Variants in POLR3B observed in about 807,000 individuals in gnomAD.
POLR3B encodes the protein DNA-directed RNA polymerase III subunit RPC2.
In POLR3B, 96 loss-of-function variants were observed where a neutral mutation model predicts 147.4. The ratio of observed to expected loss-of-function variants is 0.65; its 90% confidence interval spans 0.55 to 0.77. The LOEUF (loss-of-function observed/expected upper bound fraction) is 0.77, where lower values mean the gene tolerates loss of function less well. POLR3B is among the 30% of genes least tolerant of loss of function. The pLI, the probability that POLR3B is intolerant of heterozygous loss-of-function variation, is 0.00. For synonymous variants in POLR3B, 461 were observed against 485.9 expected (o/e 0.95, Z 0.67); for missense variants, 1,036 against 1,413.5 (o/e 0.73, Z 4.28).
At chr12:106,369,762 A>G in intron 6 of POLR3B, 79 bp downstream of exon 6, 2 of 883,608 alleles carry the variant, frequency 2.3e-6, no homozygotes, top group Non-Finnish European at 3.8e-6. Flanking sequence ...TCATCTGAAA[A>G]ATGCAGGAAA....
intron 26 of POLR3B, among the ~76,000 whole-genome samples, chr12:106,502,584 G>A (rs1269277738): frequency 5.9e-5 from 9 of 152,088 alleles, no homozygotes; most frequent in Non-Finnish European, 1.3e-4. Flanking sequence ...TAGAGAAGGG[G>A]CAAGGATGAG....
At chr12:106,397,512 C>T (rs1032265347) in intron 10 of POLR3B, among the ~76,000 whole-genome samples, 15 of 152,242 alleles carry the variant, frequency 9.9e-5, no homozygotes, top group African/African-American at 3.1e-4. Flanking sequence ...AATTAGGCAT[C>T]ATAGTTTAGT....
chr12:106,391,210 C>A (rs1354227170), intron 9 of POLR3B, among the ~76,000 whole-genome samples: 3 of 152,186 alleles, frequency 2.0e-5, no homozygotes, highest in Non-Finnish European at 2.9e-5. Context: ...CATAGTTTCT[C>A]ACCACCGGAC....
Position 106,496,678 on chromosome 12 carries a change from A to G in POLR3B, c.2818-74A>G, listed in dbSNP as rs1422394936. 3.9e-6 allele frequency: 5 copies of G among 1,267,078 alleles called. No homozygotes were observed. In the East Asian group the frequency reaches 1.2e-4, roughly 29 times the overall value. 78.5% of individuals were successfully genotyped at this position (1,267,078 alleles called of 1,614,324 possible). On this transcript the variant is annotated intron_variant, in intron 24 of 27. Coordinates refer to ENST00000228347, the MANE Select transcript of POLR3B (RefSeq NM_018082.6). ...TATTAATAGTGGTCGTGGGGAAATG[A>G]GCTGGAGATAAATAAGCAGAGAGAG...
chr12:106,457,408 C>G, intron 21 of POLR3B, 112 bp downstream of exon 21: 1 of 827,238 alleles, frequency 1.2e-6, no homozygotes. Flanking sequence ...ACCTATAAAA[C>G]CACCATCCAA....
At chr12:106,489,690 G>T (rs892566984) in intron 23 of POLR3B, among the ~76,000 whole-genome samples, 1 of 152,172 alleles carries the variant, frequency 6.6e-6, no homozygotes, top group Admixed American at 6.5e-5. Flanking sequence ...ACCTTCATTT[G>T]TTAGTCCTTT....
intron 23 of POLR3B, among the ~76,000 whole-genome samples, chr12:106,479,976 C>T (rs1264161905): frequency 6.8e-6 from 1 of 146,718 alleles, no homozygotes; most frequent in Non-Finnish European, 1.5e-5. Flanking sequence ...CCATGCCTGG[C>T]TAATTTTTGT....
At chr12:106,459,507 C>T in intron 22 of POLR3B, 139 bp downstream of exon 22, 1 of 695,846 alleles carries the variant, frequency 1.4e-6, no homozygotes, top group Middle Eastern at 3.6e-4. Context: ...ATGGAAAAAG[C>T]ATGGCATAGA....
At chr12:106,497,001 T>A in intron 25 of POLR3B, 83 bp downstream of exon 25, 1 of 1,323,830 alleles carries the variant, frequency 7.6e-7, no homozygotes, top group South Asian at 1.2e-5. Context: ...TATACTCTAT[T>A]AAGTATACCT....
In POLR3B at chr12:106,435,690, G is replaced by A. The variant is rs1376902841; in HGVS notation, c.1782-1367G>A. On this transcript the variant is annotated intron_variant, in intron 16 of 27. Transcript: ENST00000228347. ...TGTCCTGAGAACTAGTTGATAGAAGGTGTGGTAAGTGCTCAGTAGGGTGCC... is the reference window on the plus strand; with the variant it reads ...TGTCCTGAGAACTAGTTGATAGAAGATGTGGTAAGTGCTCAGTAGGGTGCC... 3.3e-5 allele frequency among the ~76,000 whole-genome samples: 5 copies of A among 152,126 alleles called. No individual in the cohort carries two copies. The East Asian group carries it at 7.7e-4, about 23-fold the overall frequency.
At chr12:106,475,272 A>T (rs1250207429) in intron 23 of POLR3B, among the ~76,000 whole-genome samples, 1 of 116,622 alleles carries the variant, frequency 8.6e-6, no homozygotes, top group Non-Finnish European at 1.7e-5. Flanking sequence ...GGCTGAGGAG[A>T]GCTTTACTTC....
At chr12:106,446,363 G>C (rs2037722831) in intron 19 of POLR3B, 3 of 223,246 alleles carry the variant, frequency 1.3e-5, no homozygotes, top group Admixed American at 9.7e-5. Context: ...AAAAAATAAA[G>C]AATAGACTTG....
intron 11 of POLR3B, among the ~76,000 whole-genome samples, chr12:106,408,738 T>G (rs992779823): frequency 1.4e-4 from 22 of 152,214 alleles, no homozygotes; most frequent in African/African-American, 5.1e-4. Context: ...CAAAGGAGTA[T>G]CTGAACTACT....
chr12:106,424,006 G>A (rs986174412), intron 12 of POLR3B, among the ~76,000 whole-genome samples: 18 of 151,846 alleles, frequency 1.2e-4, no homozygotes, highest in South Asian at 2.1e-4. Context: ...ATAGGCACCC[G>A]CCACCATGCC....
intron 22 of POLR3B, among the ~76,000 whole-genome samples, chr12:106,460,766 A>G (rs951176502): frequency 1.3e-5 from 2 of 151,978 alleles, no homozygotes; most frequent in Admixed American, 6.6e-5. Flanking sequence ...TTTTTCTGTC[A>G]TCTTCTCTTT....
At chr12:106,506,640 T>C (rs2038692793) in intron 27 of POLR3B, among the ~76,000 whole-genome samples, 1 of 152,200 alleles carries the variant, frequency 6.6e-6, no homozygotes, top group Non-Finnish European at 1.5e-5. Flanking sequence ...ATGTATTCCG[T>C]GTGTATTGTA....
intron 12 of POLR3B, among the ~76,000 whole-genome samples, chr12:106,421,240 A>C (rs955640128): frequency 1.3e-5 from 2 of 151,966 alleles, no homozygotes; most frequent in African/African-American, 4.8e-5. Context: ...AAAAAAAAAA[A>C]CACAACAACA....
chr12:106,403,316 G>C (rs1293054030), intron 10 of POLR3B, among the ~76,000 whole-genome samples: 16 of 150,954 alleles, frequency 1.1e-4, no homozygotes, highest in African/African-American at 3.6e-4. Context: ...AACAACAGGT[G>C]CTGGAGAGGA....
At chr12:106,477,571 C>G (rs1277518403) in intron 23 of POLR3B, among the ~76,000 whole-genome samples, 1 of 151,898 alleles carries the variant, frequency 6.6e-6, no homozygotes, top group Non-Finnish European at 1.5e-5. Flanking sequence ...TCGTGGTGCA[C>G]CGTTTTTTAA....
Sources: gnomAD v4.1 joint callset for allele counts (sites outside exome capture counted in the v4.1 genomes callset) on GRCh38, gnomAD v4.1.1 for gene constraint, MANE v1.5 for transcripts, NCBI Gene and HGNC (gene_info 2026-07-23, HGNC 2026-07-21) for gene names.